RHBDF1: variants seen among roughly 807,000 people sequenced by gnomAD.
RHBDF1 encodes inactive rhomboid protein 1.
Under a neutral mutation model 98.6 loss-of-function variants are expected in RHBDF1, and 80 were observed. The observed-to-expected ratio is 0.81, with a 90% CI of 0.68 to 0.98. The LOEUF (loss-of-function observed/expected upper bound fraction) is 0.98, where lower values mean the gene tolerates loss of function less well. RHBDF1 is among the 50% of genes least tolerant of loss of function. The pLI is 0.00. For missense variants in RHBDF1, 1,116 were observed against 1,198.3 expected, an observed-to-expected ratio of 0.93 and a Z score of 1.01; for synonymous variants, 512 against 486.8, an observed-to-expected ratio of 1.05 and a Z score of -0.68.
At chr16:66,481 G>A (rs950933807) in intron 1 of RHBDF1, among the ~76,000 whole-genome samples, 19 of 152,140 alleles carry the variant, frequency 1.2e-4, no homozygotes, top group Non-Finnish European at 2.5e-4. Context: ...GCCTGGGACA[G>A]AGCTCACGGC....
intron 11 of RHBDF1, 65 bp downstream of exon 11, chr16:61,055 T>C: frequency 1.4e-6 from 2 of 1,474,808 alleles, no homozygotes; most frequent in Non-Finnish European, 1.8e-6. Flanking sequence ...CTGCCGAGTC[T>C]ATCTGAGGTC....
At position 72,615 on chromosome 16, in the gene RHBDF1, G is replaced by C. The variant is rs1898008431; in HGVS notation, c.-127C>G. On this transcript the variant is annotated 5_prime_UTR_variant, in exon 1 of 18. Coordinates refer to ENST00000262316, the MANE Select transcript of RHBDF1 (RefSeq NM_022450.5). ...CGAGTCCCCGCCCGCCCGCCGGTCC[G>C]GCCCGCCCGGGAATGCCCTGGAGCG... The C allele has an allele frequency of 4.1e-6, 4 of 975,222 alleles. No homozygotes were observed. The African/African-American group carries it at 5.4e-5, about 13-fold the overall frequency. 60.4% of individuals were successfully genotyped at this position (975,222 alleles called of 1,614,324 possible).
Position 62,005 on chromosome 16 carries a change from G to A in RHBDF1, c.1001C>T (p.Pro334Leu), listed in dbSNP as rs780037413. The change falls in exon 8 of 18, where the codon CCG becomes CTG. Residue 334 changes from proline (P) to leucine (L), a missense_variant. Coordinates refer to ENST00000262316, the MANE Select transcript of RHBDF1 (RefSeq NM_022450.5). Reference protein sequence around the residue: ...WRKQKEGAAAPQPKVRLRQEV... With the variant: ...WRKQKEGAAALQPKVRLRQEV... ...CTGTCGGAGCCGCACCTTGGGCTGC[G>A]GGGCTGCGGCGCCCTCCTTCTGCTT... 2.6e-6 allele frequency: 4 copies of A among 1,551,022 alleles called. No individual in the cohort carries two copies. Among genetic ancestry groups the A allele is most frequent in the African/African-American group, 2.7e-5 (2 of 73,378 alleles).
chr16:58,543 A>C lies in RHBDF1; in HGVS notation c.2365T>G (p.Tyr789Asp). The C allele has an allele frequency of 6.2e-7, 1 of 1,614,052 alleles. No individual in the cohort carries two copies. The highest frequency in any genetic ancestry group is 8.5e-7 in the Non-Finnish European group (1 of 1,180,028). ...AGGTCGAACTTGCCAAAGCTGATGT[A>C]GGGCAAGAAGGCGAAGGAGAGGAAG... ...GLFLSFAFLP[Y>D]ISFGKFDLYR... The change falls in exon 18 of 18, where the codon TAC (tyrosine) becomes GAC (aspartate). Residue 789 changes from tyrosine (Y) to aspartate (D), a missense_variant. Transcript: ENST00000262316.
intron 12 of RHBDF1, 74 bp from the exon 13 acceptor site, chr16:60,353 C>T (rs1166171370): frequency 1.0e-5 from 16 of 1,603,878 alleles, no homozygotes; most frequent in Admixed American, 5.0e-5. Context: ...AAGTCGCCAA[C>T]AAGAGGAGCC....
chr16:63,154 G>T lies in RHBDF1; in HGVS notation c.491C>A (p.Ala164Asp). 6.3e-7 allele frequency: 1 copy of T among 1,588,618 alleles called. No homozygotes were observed. Among genetic ancestry groups the T allele is most frequent in the Non-Finnish European group, 8.6e-7 (1 of 1,168,352 alleles). Reference sequence around the variant, plus strand: ...CGCAGTGTCATCTGCCACACGGAAGGCACGGCCACGGGCCAGGGGGTCTAT... The same window carrying T: ...CGCAGTGTCATCTGCCACACGGAAGTCACGGCCACGGGCCAGGGGGTCTAT... ...KIIDPLARGR[A>D]FRVADDTAEG... The change falls in exon 5 of 18, where the codon GCC becomes GAC. Residue 164 changes from alanine to aspartate, a missense_variant. By Grantham distance (126) the Ala-to-Asp change is moderately radical. Transcript: ENST00000262316.
rs566808332 is a variant in RHBDF1 at position 62,234 on chromosome 16, G to A, written c.954-182C>T. 287 of 868,288 alleles carry A rather than the reference G, an allele frequency of 3.3e-4. No individual in the cohort carries two copies. The African/African-American group carries it at 4.5e-3, about 14-fold the overall frequency. 53.8% of individuals were successfully genotyped at this position (868,288 alleles called of 1,614,324 possible). ...GGGCCTCCGGGGATGGCAGGGAGCT[G>A]GAACGGGGACACACTGACTTCTGCA... On this transcript the variant is annotated intron_variant, in intron 7 of 17. Transcript: ENST00000262316.
At chr16:63,498 T>G in intron 4 of RHBDF1, 89 bp downstream of exon 4, 1 of 1,157,358 alleles carries the variant, frequency 8.6e-7, no homozygotes, top group Non-Finnish European at 1.2e-6. Context: ...TCCCAGAGAG[T>G]CCCTTCTGCT....
chr16:71,561 G>GTCTCCAACAGGAAGTCCC (rs1317396563), intron 1 of RHBDF1, among the ~76,000 whole-genome samples: 6 of 152,196 alleles, frequency 3.9e-5, no homozygotes, highest in Admixed American at 6.5e-5. Context: ...TCTTCTCCCG[G>GTCTCCAACAGGAAGTCCC]TCTCCAACAG....
At position 65,051 on chromosome 16, in the gene RHBDF1, G is replaced by A. The variant is rs200340397; in HGVS notation, c.-24-12C>T. 4.7e-6 allele frequency: 7 copies of A among 1,494,242 alleles called. No homozygotes were observed. The African/African-American group carries it at 8.4e-5, about 18-fold the overall frequency. The allele number at this position is 1,494,242 out of a possible 1,614,324, so 92.6% of individuals were successfully genotyped here. On this transcript the variant is annotated splice_polypyrimidine_tract_variant and intron_variant, in intron 1 of 17. Transcript: ENST00000262316. ...AGAGCAAGGCAGGCCTGCGGGGCAT[G>A]GTGTGTTATTCAATAATGACAAAGC...
At chr16:64,153 C>A in intron 3 of RHBDF1, 1 of 856,898 alleles carries the variant, frequency 1.2e-6, no homozygotes, top group South Asian at 1.6e-5. Context: ...AGAGCTCAGA[C>A]AGCAGGTGCT....
At chr16:73,622 G>A (rs1366759990), upstream of RHBDF1, among the ~76,000 whole-genome samples, 1 of 152,224 alleles carries the variant, frequency 6.6e-6, no homozygotes, top group Non-Finnish European at 1.5e-5. Context: ...CTGTCCAGGA[G>A]CTCTGAGTGG....
chr16:62,792 T>C lies in RHBDF1; in HGVS notation c.778A>G (p.Thr260Ala). The change falls in exon 6 of 18, where the codon ACA (threonine) becomes GCA (alanine). Residue 260 changes from threonine (T) to alanine (A), a missense_variant. Physicochemically the swap from Thr to Ala is moderately conservative, Grantham distance 58. Coordinates refer to ENST00000262316, the MANE Select transcript of RHBDF1 (RefSeq NM_022450.5). ...DTTDFPDELDTSFFAREGILH... is the reference protein window; with the variant it reads ...DTTDFPDELDASFFAREGILH... ...CTTCTTACCCGGGCAAAGAAGGATGTGTCCAGCTCATCGGGGAAATCAGTT... is the reference window on the plus strand; with the variant it reads ...CTTCTTACCCGGGCAAAGAAGGATGCGTCCAGCTCATCGGGGAAATCAGTT... 6.2e-7 allele frequency: 1 copy of C among 1,614,102 alleles called. No homozygotes were observed. Among genetic ancestry groups the C allele is most frequent in the Non-Finnish European group, 8.5e-7 (1 of 1,180,028 alleles).
In RHBDF1 at chr16:59,377, A is replaced by G. The variant is rs146883378; in HGVS notation, c.1894-28T>C. 6.2e-6 allele frequency: 10 copies of G among 1,612,090 alleles called. No individual in the cohort carries two copies. In the East Asian group the frequency reaches 1.3e-4, roughly 22 times the overall value. ...GCGCAGAGCAGCATATCAGCATCAC[A>G]GTAGCTGGGGGAGGGGAACGACGGA... On this transcript the variant is annotated intron_variant, in intron 15 of 17. Coordinates refer to ENST00000262316, the MANE Select transcript of RHBDF1 (RefSeq NM_022450.5).
intron 1 of RHBDF1, among the ~76,000 whole-genome samples, chr16:67,906 CAG>C (rs1381757109): frequency 2.6e-5 from 4 of 152,240 alleles, no homozygotes; most frequent in Non-Finnish European, 5.9e-5. Flanking sequence ...CAGGAACAGT[CAG>C]GGGGTGAGAA....
chr16:62,905 C>A lies in RHBDF1; in HGVS notation c.673-8G>T, dbSNP rs757531797. On this transcript the variant is annotated splice_polypyrimidine_tract_variant and splice_region_variant and intron_variant, in intron 5 of 17. Coordinates refer to ENST00000262316, the MANE Select transcript of RHBDF1 (RefSeq NM_022450.5). ...ATCCCTAACGGAGCGGCCCTGGGGA[C>A]GGGGAAGTGAGCATGAGACCCGGCT... is the stretch of plus-strand genomic sequence containing the variant. 1.9e-6 allele frequency: 3 copies of A among 1,613,442 alleles called. No homozygotes were observed. The highest frequency in any genetic ancestry group is 2.5e-6 in the Non-Finnish European group (3 of 1,179,910).
In RHBDF1 at chr16:63,667, T is replaced by A. The variant is rs1036880577; in HGVS notation, c.382A>T (p.Ser128Cys). The A allele has an allele frequency of 1.9e-6, 3 of 1,611,918 alleles. No individual in the cohort carries two copies. The highest frequency in any genetic ancestry group is 2.5e-6 in the Non-Finnish European group (3 of 1,179,472). The change falls in exon 4 of 18, where the codon AGC becomes TGC. Residue 128 changes from serine to cysteine, a missense_variant. Transcript: ENST00000262316. ...CTGGTCAGCGACACGTTGTCCTGGC[T>A]GGGCAGGTCCAGCTCCCGGAGGACC... Reference protein sequence around the residue: ...PQVLRELDLPSQDNVSLTSTE... With the variant: ...PQVLRELDLPCQDNVSLTSTE...
rs750759382 is a variant in RHBDF1, at chr16:59,769, T to C, written c.1780A>G (p.Ile594Val). Residue 594 changes from isoleucine to valine, a missense_variant, in exon 14 of 18, where the codon ATC (isoleucine) becomes GTC (valine). Coordinates refer to ENST00000262316, the MANE Select transcript of RHBDF1 (RefSeq NM_022450.5). ...CCAATGCAGCAGGGCCGTCCTGTGA[T>C]GACACAGTCCATGTGGGGATGGTTG... is the stretch of plus-strand genomic sequence containing the variant. Reference protein sequence around the residue: ...HTNHPHMDCVITGRPCCIGTK... With the variant: ...HTNHPHMDCVVTGRPCCIGTK... 6.2e-7 allele frequency: 1 copy of C among 1,614,166 alleles called. No homozygotes were observed. The highest frequency in any genetic ancestry group is 2.2e-5 in the East Asian group (1 of 44,886).
At chr16:65,156 C>T in intron 1 of RHBDF1, 117 bp from the exon 2 acceptor site, 1 of 1,094,626 alleles carries the variant, frequency 9.1e-7, no homozygotes, top group South Asian at 1.9e-5. Flanking sequence ...CTCATGTCCC[C>T]CACTGTCAGA....
Sources: gnomAD v4.1 joint callset for allele counts (sites outside exome capture counted in the v4.1 genomes callset) on GRCh38, gnomAD v4.1.1 for gene constraint, MANE v1.5 for transcripts, NCBI Gene and HGNC (gene_info 2026-07-23, HGNC 2026-07-21) for gene names.